IQSEC3: variants seen among roughly 807,000 people sequenced by gnomAD.
IQSEC3 encodes the protein IQ motif and SEC7 domain-containing protein 3.
In IQSEC3, 50 loss-of-function variants were observed where a neutral mutation model predicts 105.4. The ratio of observed to expected loss-of-function variants is 0.47; its 90% CI spans 0.38 to 0.60. The LOEUF is 0.60. Among genes scored for constraint, IQSEC3 ranks in the 20% least tolerant of loss-of-function variants. IQSEC3 has a pLI of 0.00. For missense variants in IQSEC3, 1,415 were observed against 1,630.0 expected (o/e 0.87, Z 2.27); for synonymous variants, 708 against 746.0 (o/e 0.95, Z 0.83).
At chr12:113,185 G>A (rs1555079950) in intron 2 of IQSEC3, among the ~76,000 whole-genome samples, 2 of 152,168 alleles carry the variant, frequency 1.3e-5, no homozygotes, top group African/African-American at 2.4e-5. Context: ...AGAAATGATA[G>A]GAATGATGAG....
intron 2 of IQSEC3, among the ~76,000 whole-genome samples, chr12:120,375 A>AGTGGACG (rs1865179971): frequency 6.6e-6 from 1 of 152,118 alleles, no homozygotes; most frequent in African/African-American, 2.4e-5. Context: ...CGGAGTGGAC[A>AGTGGACG]GGTCACTCGG....
chr12:84,582 A>T (rs1477413681), intron 1 of IQSEC3, among the ~76,000 whole-genome samples: 1 of 152,178 alleles, frequency 6.6e-6, no homozygotes, highest in Non-Finnish European at 1.5e-5. Flanking sequence ...GCTCTGAATG[A>T]GTGCATGAAG....
intron 2 of IQSEC3, among the ~76,000 whole-genome samples, chr12:102,829 A>G (rs888418151): frequency 6.6e-6 from 1 of 152,194 alleles, no homozygotes; most frequent in South Asian, 2.1e-4. Flanking sequence ...GATCTGGAGT[A>G]CAGTGGAGCA....
intron 2 of IQSEC3, among the ~76,000 whole-genome samples, chr12:102,701 C>A (rs1443564526): frequency 6.6e-6 from 1 of 152,214 alleles, no homozygotes; most frequent in Non-Finnish European, 1.5e-5. Flanking sequence ...CAGGGGAACT[C>A]TGTCTTGGGG....
intron 2 of IQSEC3, among the ~76,000 whole-genome samples, chr12:117,669 C>T (rs1865092595): frequency 6.6e-6 from 1 of 152,230 alleles, no homozygotes; most frequent in Admixed American, 6.5e-5. Flanking sequence ...ACTCTAGAGA[C>T]AAGCCAGCCC....
At chr12:101,731 T>C (rs1416516395) in intron 2 of IQSEC3, among the ~76,000 whole-genome samples, 1 of 152,186 alleles carries the variant, frequency 6.6e-6, no homozygotes, top group African/African-American at 2.4e-5. Context: ...CTGATGTGGC[T>C]TTCCTGGCTT....
At chr12:93,057 C>T (rs1201450153) in intron 1 of IQSEC3, among the ~76,000 whole-genome samples, 3 of 152,194 alleles carry the variant, frequency 2.0e-5, no homozygotes, top group Non-Finnish European at 4.4e-5. Context: ...CCTTGCCATT[C>T]GCTGTTGTAT....
chr12:125,592 G>T, intron 2 of IQSEC3, 41 bp from the exon 3 acceptor site: 1 of 1,458,206 alleles, frequency 6.9e-7, no homozygotes, highest in Non-Finnish European at 9.0e-7. Flanking sequence ...GCACCCTGTC[G>T]CCCTCTCCCC....
intron 2 of IQSEC3, among the ~76,000 whole-genome samples, chr12:119,002 G>A (rs868917050): frequency 1.3e-5 from 2 of 152,208 alleles, no homozygotes; most frequent in African/African-American, 2.4e-5. Flanking sequence ...ACTTCCCACC[G>A]TGGTGGATAT....
intron 1 of IQSEC3, among the ~76,000 whole-genome samples, chr12:76,122 ACACACACAC>A (rs1565377500): frequency 6.6e-6 from 1 of 151,292 alleles, no homozygotes; most frequent in Non-Finnish European, 1.5e-5. Flanking sequence ...ACACACACAC[ACACACACAC>A]AAGGCCTCAG....
chr12:109,365 T>A (rs1043420035), intron 2 of IQSEC3, among the ~76,000 whole-genome samples: 1 of 152,144 alleles, frequency 6.6e-6, no homozygotes, highest in African/African-American at 2.4e-5. Flanking sequence ...TTTGAGTTTA[T>A]AACCCTAGTT....
rs145103364 is a variant in IQSEC3 at position 132,105 on chromosome 12, T to C, written c.904-6162T>C. Among the ~76,000 whole-genome samples the C allele has an allele frequency of 2.4e-3, 371 of 152,176 alleles. 1 individual carries two copies. Among genetic ancestry groups the C allele is most frequent in the East Asian group, 7.7e-4 (4 of 5,170 alleles). ...TGGGGCCCGAGGCAGGGAGACCCCG[T>C]CTGTTCGGGGCATTGAGAGGGCTGC... On this transcript the variant is annotated intron_variant, in intron 3 of 13. Coordinates refer to ENST00000538872, the MANE Select transcript of IQSEC3 (RefSeq NM_001170738.2).
intron 1 of IQSEC3, among the ~76,000 whole-genome samples, chr12:77,903 C>A (rs1214457026): frequency 6.6e-6 from 1 of 151,128 alleles, no homozygotes; most frequent in African/African-American, 2.4e-5. Context: ...GCGGCGTGGG[C>A]GGGCCGGCTG....
At chr12:158,274 C>T (rs781801272) in intron 7 of IQSEC3, among the ~76,000 whole-genome samples, 13 of 151,996 alleles carry the variant, frequency 8.6e-5, no homozygotes, top group Non-Finnish European at 1.9e-4. Flanking sequence ...AAAAATTAGT[C>T]GCTGCCCCTC....
intron 1 of IQSEC3, among the ~76,000 whole-genome samples, chr12:78,101 C>G (rs1168679194): frequency 6.0e-5 from 9 of 151,108 alleles, no homozygotes; most frequent in Non-Finnish European, 1.0e-4. Flanking sequence ...CGAAGGGAAG[C>G]GCGGCCCGGG....
At chr12:153,244 AC>A (rs1324264527) in intron 5 of IQSEC3, among the ~76,000 whole-genome samples, 1 of 151,948 alleles carries the variant, frequency 6.6e-6, no homozygotes, top group African/African-American at 2.4e-5. Flanking sequence ...GCACAGTCCC[AC>A]CCCCAGCCAC....
rs4980854 is a variant in IQSEC3, at chr12:152,618, A to G, written c.2154-4407A>G. On this transcript the variant is annotated intron_variant, in intron 5 of 13. Coordinates refer to ENST00000538872, the MANE Select transcript of IQSEC3 (RefSeq NM_001170738.2). The surrounding 1 kb of genome is among the most constrained non-coding windows in gnomAD (Gnocchi z 4.8). ...TTGAGAAGATGAGGTCATTGCACACATAGTGAAGCACTTAGAGCCATACTC... is the reference window on the plus strand; with the variant it reads ...TTGAGAAGATGAGGTCATTGCACACGTAGTGAAGCACTTAGAGCCATACTC... Among the ~76,000 whole-genome samples, 131,900 of 152,204 alleles carry G rather than the reference A, an allele frequency of 0.87. 57,863 individuals carry two copies. Among genetic ancestry groups the G allele is most frequent in the Non-Finnish European group, 0.94 (64,026 of 68,028 alleles).
intron 1 of IQSEC3, among the ~76,000 whole-genome samples, chr12:88,153 C>A (rs1224683627): frequency 1.3e-5 from 2 of 152,184 alleles, no homozygotes; most frequent in African/African-American, 4.8e-5. Context: ...AAAATTAAAC[C>A]TAACAGATAT....
intron 3 of IQSEC3, among the ~76,000 whole-genome samples, chr12:129,612 G>A (rs1194516874): frequency 6.6e-6 from 1 of 151,938 alleles, no homozygotes; most frequent in African/African-American, 2.4e-5. Context: ...TAGGAATAGA[G>A]GGCCTAGGTG....
Sources: gnomAD v4.1 joint callset for allele counts (sites outside exome capture counted in the v4.1 genomes callset) on GRCh38, gnomAD v4.1.1 for gene constraint, Gnocchi (gnomAD v3.1) non-coding constraint, MANE v1.5 for transcripts, NCBI Gene and HGNC (gene_info 2026-07-23, HGNC 2026-07-21) for gene names.